ZNF45: variants seen among roughly 807,000 people sequenced by gnomAD.
The protein encoded by ZNF45 is zinc finger protein 45.
In ZNF45, 4 loss-of-function variants were observed where a neutral mutation model predicts 12.0. The observed-to-expected ratio is 0.33, with a 90% CI of 0.16 to 0.76. ZNF45 has a LOEUF of 0.76. Ranked by LOEUF, ZNF45 falls within the 30% of genes least tolerant of loss-of-function variation. ZNF45 has a pLI of 0.60. For missense variants in ZNF45, 700 were observed against 813.0 expected (o/e 0.86, Z 1.69); for synonymous variants, 272 against 279.6 (o/e 0.97, Z 0.27).
chr19:43,916,531 C>A (rs892648856), intron 9 of ZNF45, among the ~76,000 whole-genome samples: 5 of 152,180 alleles, frequency 3.3e-5, no homozygotes, highest in African/African-American at 1.2e-4. Flanking sequence ...TACCCTCTGA[C>A]AAACTATATA....
chr19:43,922,820 G>GTTT (rs368057244), intron 6 of ZNF45, among the ~76,000 whole-genome samples: 1,587 of 86,430 alleles, frequency 0.018, 74 homozygotes, highest in East Asian at 0.046. Flanking sequence ...TAAATTCTTT[G>GTTT]TTTTTTTTTT....
intron 9 of ZNF45, among the ~76,000 whole-genome samples, chr19:43,918,184 G>A (rs776232555): frequency 6.6e-6 from 1 of 152,148 alleles, no homozygotes; most frequent in Non-Finnish European, 1.5e-5. Flanking sequence ...TGTGTAAAGT[G>A]TTTTTGGGGA....
Position 43,932,195 on chromosome 19 carries a change from G to C in ZNF45, c.-400+409C>G, listed in dbSNP as rs543077866. Among the ~76,000 whole-genome samples the C allele has an allele frequency of 3.3e-5, 5 of 152,280 alleles. No homozygotes were observed. In the South Asian group the frequency reaches 1.0e-3, roughly 32 times the overall value. On this transcript the variant is annotated intron_variant, in intron 3 of 9. Transcript: ENST00000269973. ...TACTAAAAATACAAAAATTAGCTGGGCATGGTGGTGCACGCCTGTAATCCC... is the reference window on the plus strand; with the variant it reads ...TACTAAAAATACAAAAATTAGCTGGCCATGGTGGTGCACGCCTGTAATCCC...
intron 3 of ZNF45, among the ~76,000 whole-genome samples, chr19:43,928,761 T>C (rs79421415): frequency 1.1e-3 from 160 of 152,338 alleles, no homozygotes; most frequent in Middle Eastern, 6.8e-3. Context: ...TCTTTCTCTC[T>C]GATACTAACA....
Position 43,934,516 on chromosome 19 carries a change from C to G in ZNF45, c.-577G>C, listed in dbSNP as rs1212858424. 7.6e-6 allele frequency: 1 copy of G among 131,338 alleles called. No individual in the cohort carries two copies. The highest frequency in any genetic ancestry group is 2.7e-5 in the African/African-American group (1 of 36,550). The allele number at this position is 131,338 out of a possible 1,614,324, so 8.1% of individuals were successfully genotyped here. On this transcript the variant is annotated 5_prime_UTR_variant, in exon 2 of 10. Coordinates refer to ENST00000269973, the MANE Select transcript of ZNF45 (RefSeq NM_003425.4). ...CAGAAGCCAGGATGCTCTCCTTCCT[C>G]CTCTCCCGCAGCATTCTTTCAGAAG...
At chr19:43,928,968 A>G (rs1000720677) in intron 3 of ZNF45, among the ~76,000 whole-genome samples, 13 of 152,262 alleles carry the variant, frequency 8.5e-5, no homozygotes, top group Middle Eastern at 3.2e-3. Context: ...TTTGATTTTC[A>G]TAACGATGAT....
At position 43,924,566 on chromosome 19, in the gene ZNF45, A is replaced by G. The variant is rs1387881409; in HGVS notation, c.-265-5T>C. ...AATCTTGTCTCTCTGTTGCTTCTAA[A>G]GACAAAAATAAGCAGATGGGAGTCT... is the stretch of plus-strand genomic sequence containing the variant. On this transcript the variant is annotated splice_polypyrimidine_tract_variant and splice_region_variant and intron_variant, in intron 4 of 9. Coordinates refer to ENST00000269973, the MANE Select transcript of ZNF45 (RefSeq NM_003425.4). 1.3e-5 allele frequency: 2 copies of G among 152,234 alleles called. No individual in the cohort carries two copies. The highest frequency in any genetic ancestry group is 4.8e-5 in the African/African-American group (2 of 41,456). 9.4% of individuals were successfully genotyped at this position (152,234 alleles called of 1,614,324 possible).
chr19:43,922,103 A>G, intron 7 of ZNF45, 68 bp downstream of exon 7: 2 of 1,541,664 alleles, frequency 1.3e-6, no homozygotes, highest in African/African-American at 1.4e-5. Flanking sequence ...TAACAAAGAG[A>G]ATAAGGTGTA....
chr19:43,917,826 T>C (rs1213435024), intron 9 of ZNF45, among the ~76,000 whole-genome samples: 3 of 152,314 alleles, frequency 2.0e-5, no homozygotes, highest in Non-Finnish European at 4.4e-5. Context: ...TTGGTCTTCC[T>C]GAGAATGTGT....
In ZNF45 at chr19:43,914,419, C is replaced by T. The variant is rs1972466528; in HGVS notation, c.1017G>A (p.Lys339=). 2 of 1,608,808 alleles carry T rather than the reference C, an allele frequency of 1.2e-6. No homozygotes were observed. Among genetic ancestry groups the T allele is most frequent in the Non-Finnish European group, 1.7e-6 (2 of 1,176,750 alleles). The change falls in exon 10 of 10, where the codon AAG becomes AAA. Residue 339 remains lysine (K), a synonymous_variant. Coordinates refer to ENST00000269973, the MANE Select transcript of ZNF45 (RefSeq NM_003425.4). The part of the protein sequence containing the change: ...EKPYKCNACG[K]SFSYSSHLNI... ...TAAGGTGTGAGCTGTAACTAAAGCT[C>T]TTGCCACATGCATTGCATTTGTATG...
intron 9 of ZNF45, among the ~76,000 whole-genome samples, chr19:43,918,108 G>A (rs1972838911): frequency 6.6e-6 from 1 of 152,118 alleles, no homozygotes; most frequent in South Asian, 2.1e-4. Flanking sequence ...GAGGTGGATG[G>A]TTGCCACAAA....
At position 43,913,997 on chromosome 19, in the gene ZNF45, C is replaced by A; in HGVS notation, c.1439G>T (p.Gly480Val). 6.2e-7 allele frequency: 1 copy of A among 1,614,014 alleles called. No homozygotes were observed. Among genetic ancestry groups the A allele is most frequent in the Non-Finnish European group, 8.5e-7 (1 of 1,180,012 alleles). ...ATTAAGATCTGAGCTCCGACTGAAG[C>A]CCTTCCCACATGTACCACATTTGTA... ...KPYKCGTCGKGFSRSSDLNVH... is the reference protein window; with the variant it reads ...KPYKCGTCGKVFSRSSDLNVH... Residue 480 changes from glycine to valine, a missense_variant, in exon 10 of 10, where the codon GGC (glycine) becomes GTC (valine). Physicochemically the swap from Gly to Val is moderately radical, Grantham distance 109. Coordinates refer to ENST00000269973, the MANE Select transcript of ZNF45 (RefSeq NM_003425.4).
chr19:43,920,948 C>G (rs993119802), intron 7 of ZNF45, among the ~76,000 whole-genome samples: 3 of 152,082 alleles, frequency 2.0e-5, no homozygotes, highest in African/African-American at 7.2e-5. Flanking sequence ...CTGTTCATCC[C>G]TGGAGCCCTG....
Position 43,929,173 on chromosome 19 carries a change from G to A in ZNF45, c.-400+3431C>T, listed in dbSNP as rs1408989072. Reference sequence around the variant, plus strand: ...CCTGTGCCCATGTTCTTAACCGCTCGACAGTGGTTCTCAAACCCTGGTATG... The same window carrying A: ...CCTGTGCCCATGTTCTTAACCGCTCAACAGTGGTTCTCAAACCCTGGTATG... On this transcript the variant is annotated intron_variant, in intron 3 of 9. Coordinates refer to ENST00000269973, the MANE Select transcript of ZNF45 (RefSeq NM_003425.4). 6.6e-5 allele frequency among the ~76,000 whole-genome samples: 10 copies of A among 152,158 alleles called. No individual in the cohort carries two copies. The South Asian group carries it at 1.9e-3, about 28-fold the overall frequency.
Position 43,922,828 on chromosome 19 carries a change from T to TTG in ZNF45, c.-32-612_-32-611insCA, listed in dbSNP as rs1555747341. 7.1e-5 allele frequency among the ~76,000 whole-genome samples: 10 copies of TTG among 140,854 alleles called. No individual in the cohort carries two copies. The East Asian group carries it at 1.0e-3, about 15-fold the overall frequency. The allele number at this position is 140,854 out of a possible 152,430, so 92.4% of individuals were successfully genotyped here. A position where few individuals can be genotyped will look rare whatever the true frequency, so the allele number is the denominator to read the frequency against. On this transcript the variant is annotated intron_variant, in intron 6 of 9. Transcript: ENST00000269973. ...CTACCAATAAATTCTTTGTTTTTTTTTTTTTTTTTTTTTTTGAGAGAGGGT... is the reference window on the plus strand; with the variant it reads ...CTACCAATAAATTCTTTGTTTTTTTTTGTTTTTTTTTTTTTTTGAGAGAGGGT...
rs1810610250 is a variant in ZNF45, at chr19:43,924,487, C to CCT, written c.-192_-191insAG. 6.6e-6 allele frequency: 1 copy of CCT among 152,170 alleles called. No homozygotes were observed. The highest frequency in any genetic ancestry group is 2.1e-4 in the South Asian group (1 of 4,826). 9.4% of individuals were successfully genotyped at this position (152,170 alleles called of 1,614,324 possible). A position where few individuals can be genotyped will look rare whatever the true frequency, so the allele number is the denominator to read the frequency against. ...CGAGGAAGCTGAGGCTTGGTGAGGT[C>CCT]AAGAGGCAGGAACAGTACCTGAATC... On this transcript the variant is annotated 5_prime_UTR_variant, in exon 5 of 10. The change abolishes the stop of an existing upstream ORF in the 5' untranslated region. Transcript: ENST00000269973.
intron 9 of ZNF45, among the ~76,000 whole-genome samples, chr19:43,915,811 T>C (rs532505823): frequency 6.6e-6 from 1 of 152,240 alleles, no homozygotes; most frequent in Non-Finnish European, 1.5e-5. Flanking sequence ...AAAAACCATC[T>C]TCCAACAAAC....
intron 3 of ZNF45, among the ~76,000 whole-genome samples, chr19:43,929,703 T>C (rs770064111): frequency 1.6e-4 from 24 of 152,212 alleles, no homozygotes; most frequent in Non-Finnish European, 2.4e-4. Flanking sequence ...AGACCACCTG[T>C]ACCCCACCAG....
At chr19:43,926,994 CGGGAGGAGGCTTGAGG>C (rs1313761049) in intron 3 of ZNF45, among the ~76,000 whole-genome samples, 1 of 152,096 alleles carries the variant, frequency 6.6e-6, no homozygotes, top group Non-Finnish European at 1.5e-5. Context: ...CCCTCTCAAA[CGGGAGGAGGCTTGAGG>C]GGGAGGAGGC....
Sources: allele counts gnomAD v4.1 joint callset (sites outside exome capture counted in the v4.1 genomes callset), GRCh38; gene constraint gnomAD v4.1.1; transcripts MANE v1.5; gene names NCBI Gene and HGNC (gene_info 2026-07-23, HGNC 2026-07-21).